Variants in MAP1LC3A observed in about 807,000 individuals in gnomAD.
MAP1LC3A encodes microtubule-associated protein 1 light chain 3 alpha.
MAP1LC3A carries 10 observed loss-of-function variants against 15.2 expected under a neutral mutation model. The ratio of observed to expected loss-of-function variants is 0.66; its 90% CI spans 0.41 to 1.12. MAP1LC3A has a LOEUF of 1.12. Among genes scored for constraint, MAP1LC3A ranks in the 50% most tolerant of loss-of-function variants. The probability of loss-of-function intolerance (pLI) is 0.00; values close to 1 mark genes in which losing one functional copy is unlikely to be tolerated. For synonymous variants in MAP1LC3A, 63 were observed against 64.3 expected, an observed-to-expected ratio of 0.98 and a Z score of 0.10; for missense variants, 138 against 167.3, an observed-to-expected ratio of 0.82 and a Z score of 0.97.
At chr20:34,555,211 T>C (rs1225170891), upstream of MAP1LC3A, among the ~76,000 whole-genome samples, 2 of 151,620 alleles carry the variant, frequency 1.3e-5, no homozygotes, top group East Asian at 3.9e-4. Context: ...AGTGGCATGA[T>C]CTTGGCTCAC....
chr20:34,547,917 G>A (rs1981800102), intron 1 of MAP1LC3A, among the ~76,000 whole-genome samples: 2 of 152,186 alleles, frequency 1.3e-5, no homozygotes, highest in Admixed American at 1.3e-4. Flanking sequence ...CTTTGGAAGG[G>A]GCTGATTGTT....
At chr20:34,547,687 G>A (rs547290644) in intron 1 of MAP1LC3A, among the ~76,000 whole-genome samples, 13 of 152,120 alleles carry the variant, frequency 8.5e-5, no homozygotes, top group Non-Finnish European at 5.9e-5. Context: ...CTGCTTCCCC[G>A]TCACCTTCCT....
intron 2 of MAP1LC3A, among the ~76,000 whole-genome samples, chr20:34,551,102 A>T (rs996445618): frequency 1.6e-4 from 24 of 152,010 alleles, no homozygotes; most frequent in Non-Finnish European, 2.6e-4. Context: ...AAAAAAAAAA[A>T]TTAGCCAGGC....
At chr20:34,557,173 A>G (rs1982192322), upstream of MAP1LC3A, among the ~76,000 whole-genome samples, 1 of 152,058 alleles carries the variant, frequency 6.6e-6, no homozygotes, top group African/African-American at 2.4e-5. Flanking sequence ...TTCTTGGCCA[A>G]TCTGGTCATC....
chr20:34,557,951 GTTGATC>G (rs1982222346), upstream of MAP1LC3A, among the ~76,000 whole-genome samples: 1 of 115,594 alleles, frequency 8.7e-6, no homozygotes, highest in Non-Finnish European at 1.6e-5. Context: ...CCAAAAAAAT[GTTGATC>G]TTCAGTCTGC....
rs895289310 is a variant in MAP1LC3A at position 34,560,034 on chromosome 20, C to A, written c.*136C>A. On this transcript the variant is annotated 3_prime_UTR_variant, in exon 4 of 4. Transcript: ENST00000360668. ...CATGTGCCCCCCTAGTCAGAGGGCA[C>A]CAACCCACCTACTCTGCCCCTGGGT... is the stretch of plus-strand genomic sequence containing the variant. 2 of 859,434 alleles carry A rather than the reference C, an allele frequency of 2.3e-6. No homozygotes were observed. The highest frequency in any genetic ancestry group is 3.0e-5 in the Admixed American group (1 of 33,860). 53.2% of individuals were successfully genotyped at this position (859,434 alleles called of 1,614,324 possible).
At position 34,559,850 on chromosome 20, in the gene MAP1LC3A, C is replaced by T. The variant is rs1982371698; in HGVS notation, c.318C>T (p.Asp106=). The T allele has an allele frequency of 1.2e-6, 2 of 1,613,874 alleles. No homozygotes were observed. The highest frequency in any genetic ancestry group is 1.7e-6 in the Non-Finnish European group (2 of 1,180,002). The change falls in exon 4 of 4, where the codon GAC becomes GAT. Residue 106 remains aspartate, a synonymous_variant. Coordinates refer to ENST00000360668, the MANE Select transcript of MAP1LC3A (RefSeq NM_032514.4). The part of the protein sequence containing the change: ...ADIYEQEKDE[D]GFLYMVYASQ... ...TCTACGAGCAGGAGAAAGACGAGGA[C>T]GGCTTCCTCTATATGGTCTACGCCT...
rs1283433580 is a variant in MAP1LC3A, at chr20:34,558,755, AGCGCGAGCCCCGGAGCCCTTGAGCGCGAG to A, written c.-108_-80del. 23 of 1,322,876 alleles carry A rather than the reference AGCGCGAGCCCCGGAGCCCTTGAGCGCGAG, an allele frequency of 1.7e-5. No individual in the cohort carries two copies. The highest frequency in any genetic ancestry group is 2.8e-4 in the Middle Eastern group (1 of 3,568). The allele number at this position is 1,322,876 out of a possible 1,614,324, so 81.9% of individuals were successfully genotyped here. ...TCCCGCAGCCGCAGCCGCCGTGCTC[AGCGCGAGCCCCGGAGCCCTTGAGCGCGAG>A]GCGCGGAGCCCCCGGAGCCCCCAAA... On this transcript the variant is annotated 5_prime_UTR_variant, in exon 1 of 4. Coordinates refer to ENST00000360668, the MANE Select transcript of MAP1LC3A (RefSeq NM_032514.4). The surrounding 1 kb of genome is among the most constrained non-coding windows in gnomAD (Gnocchi z 4.3).
At chr20:34,551,460 C>T (rs73259132) in intron 2 of MAP1LC3A, among the ~76,000 whole-genome samples, 4,419 of 146,690 alleles carry the variant, frequency 0.03, 238 homozygotes, top group African/African-American at 0.11. Flanking sequence ...CCAAGGGGAA[C>T]GCTGTCCTTT....
upstream of MAP1LC3A, among the ~76,000 whole-genome samples, chr20:34,555,763 A>C (rs1439962975): frequency 1.3e-5 from 2 of 151,434 alleles, no homozygotes; most frequent in Non-Finnish European, 1.5e-5. Flanking sequence ...GCAATTCTCC[A>C]GTCTGGGCCC....
upstream of MAP1LC3A, among the ~76,000 whole-genome samples, chr20:34,554,100 C>T (rs145389207): frequency 3.0e-3 from 452 of 152,254 alleles, 2 homozygotes; most frequent in South Asian, 0.026. Context: ...CATCTTTCCA[C>T]GTTCCTCTAA....
At chr20:34,549,787 G>A in intron 1 of MAP1LC3A, 1 of 546,652 alleles carries the variant, frequency 1.8e-6, no homozygotes, top group Non-Finnish European at 3.3e-6. Flanking sequence ...GCACTGGTGG[G>A]CGTGTCTTAG....
At chr20:34,547,257 C>G (rs765781261) in intron 1 of MAP1LC3A, among the ~76,000 whole-genome samples, 16 of 151,940 alleles carry the variant, frequency 1.1e-4, no homozygotes, top group Non-Finnish European at 2.1e-4. Context: ...TGAACTCGGC[C>G]AGGTTAAGGC....
chr20:34,557,924 T>TCCCACTC (rs1238710625), upstream of MAP1LC3A, among the ~76,000 whole-genome samples: 1 of 147,504 alleles, frequency 6.8e-6, no homozygotes, highest in East Asian at 2.0e-4. Context: ...CGAGACTTCG[T>TCCCACTC]CCCCCTCCCC....
Position 34,558,859 on chromosome 20 carries a change from G to A in MAP1LC3A, c.-10G>A, listed in dbSNP as rs1383776982. On this transcript the variant is annotated 5_prime_UTR_variant, in exon 1 of 4. Transcript: ENST00000360668. The surrounding 1 kb of genome is among the most constrained non-coding windows in gnomAD (Gnocchi z 4.3). ...GAGCCCCGGCCTGCGCGCCCAGCCG[G>A]GCCCGCGCGATGCCCTCAGACCGGC... 55 of 1,437,802 alleles carry A rather than the reference G, an allele frequency of 3.8e-5. No homozygotes were observed. The highest frequency in any genetic ancestry group is 4.5e-5 in the Non-Finnish European group (50 of 1,101,646). 89.1% of individuals were successfully genotyped at this position (1,437,802 alleles called of 1,614,324 possible).
chr20:34,555,653 AT>A (rs35387399), upstream of MAP1LC3A, among the ~76,000 whole-genome samples: 1,610 of 144,108 alleles, frequency 0.011, 20 homozygotes, highest in African/African-American at 0.032. Flanking sequence ...TATAAATCTG[AT>A]TTTTTTTTTT....
chr20:34,552,710 G>A (rs1180463225), intron 2 of MAP1LC3A, among the ~76,000 whole-genome samples: 1 of 152,274 alleles, frequency 6.6e-6, no homozygotes, highest in Non-Finnish European at 1.5e-5. Flanking sequence ...AACCAGCAAG[G>A]AGACAATAGC....
At position 34,559,511 on chromosome 20, in the gene MAP1LC3A, G is replaced by A. The variant is rs117207963; in HGVS notation, c.203+58G>A. The A allele has an allele frequency of 9.2e-4, 1,373 of 1,485,382 alleles. 19 individuals carry two copies. The East Asian group carries it at 0.027, about 30-fold the overall frequency. 92.0% of individuals were successfully genotyped at this position (1,485,382 alleles called of 1,614,324 possible). ...GGGTCGGGAGGGGAGCCGGGTTCCC[G>A]CCGAGAAGGGGTGGGAGTGGGGTCA... On this transcript the variant is annotated intron_variant, in intron 3 of 3. Coordinates refer to ENST00000360668, the MANE Select transcript of MAP1LC3A (RefSeq NM_032514.4).
Position 34,558,779 on chromosome 20 carries a change from C to T in MAP1LC3A, c.-90C>T. 1 of 1,349,906 alleles carries T rather than the reference C, an allele frequency of 7.4e-7. No individual in the cohort carries two copies. The highest frequency in any genetic ancestry group is 9.4e-7 in the Non-Finnish European group (1 of 1,059,936). The allele number at this position is 1,349,906 out of a possible 1,614,324, so 83.6% of individuals were successfully genotyped here. A position where few individuals can be genotyped will look rare whatever the true frequency, so the allele number is the denominator to read the frequency against. ...CAGCGCGAGCCCCGGAGCCCTTGAG[C>T]GCGAGGCGCGGAGCCCCCGGAGCCC... On this transcript the variant is annotated 5_prime_UTR_variant, in exon 1 of 4. Coordinates refer to ENST00000360668, the MANE Select transcript of MAP1LC3A (RefSeq NM_032514.4). This position sits in a 1 kb window ranked among gnomAD's most constrained non-coding sequence, Gnocchi z 4.3.
Sources: gnomAD v4.1 joint callset for allele counts (sites outside exome capture counted in the v4.1 genomes callset) on GRCh38, gnomAD v4.1.1 for gene constraint, Gnocchi (gnomAD v3.1) non-coding constraint, MANE v1.5 for transcripts, NCBI Gene and HGNC (gene_info 2026-07-23, HGNC 2026-07-21) for gene names.